AK5: variants seen among roughly 807,000 people sequenced by gnomAD.
AK5 encodes adenylate kinase isoenzyme 5.
Under a neutral mutation model 69.5 loss-of-function variants are expected in AK5, and 27 were observed. The observed-to-expected ratio is 0.39, with a 90% CI of 0.29 to 0.54. The LOEUF is 0.54. Among genes scored for constraint, AK5 ranks in the 20% least tolerant of loss-of-function variants. AK5 has a pLI of 0.71. For missense variants in AK5, 531 were observed against 700.4 expected (o/e 0.76, Z 2.73); for synonymous variants, 260 against 244.4 (o/e 1.06, Z -0.60).
chr1:77,303,683 C>G (rs1478337891), intron 5 of AK5, among the ~76,000 whole-genome samples: 1 of 152,152 alleles, frequency 6.6e-6, no homozygotes, highest in Non-Finnish European at 1.5e-5. Flanking sequence ...CTATGACCTT[C>G]TGGAAGGGGT....
Position 77,380,148 on chromosome 1 carries a change from G to A in AK5, c.892-30833G>A, listed in dbSNP as rs148500394. ...CAATTTCTCTTTGGCATCCTCCTCG[G>A]CAAGGTGGGATGCCAGAAACAACTG... On this transcript the variant is annotated intron_variant, in intron 6 of 13. Coordinates refer to ENST00000354567, the MANE Select transcript of AK5 (RefSeq NM_174858.3). 9.0e-3 allele frequency among the ~76,000 whole-genome samples: 1,376 copies of A among 152,274 alleles called. 28 individuals are homozygous for A. The highest frequency in any genetic ancestry group is 0.047 in the Admixed American group (724 of 15,284).
chr1:77,411,723 T>C (rs549744852), intron 7 of AK5, among the ~76,000 whole-genome samples: 1 of 152,300 alleles, frequency 6.6e-6, no homozygotes, highest in Admixed American at 6.5e-5. Flanking sequence ...CTGACCTTCT[T>C]TCTTCTGAGT....
At chr1:77,391,511 A>G (rs1209734225) in intron 6 of AK5, among the ~76,000 whole-genome samples, 15 of 74,252 alleles carry the variant, frequency 2.0e-4, no homozygotes, top group Non-Finnish European at 2.2e-4. Context: ...ATATATATAT[A>G]TATATATATA....
At chr1:77,374,030 C>CA (rs1434898779) in intron 6 of AK5, among the ~76,000 whole-genome samples, 1 of 152,064 alleles carries the variant, frequency 6.6e-6, no homozygotes, top group African/African-American at 2.4e-5. Context: ...GTAAATGTGT[C>CA]ATTTCTGAGA....
intron 5 of AK5, among the ~76,000 whole-genome samples, chr1:77,310,768 A>C (rs1378055593): frequency 1.3e-5 from 2 of 152,040 alleles, no homozygotes; most frequent in East Asian, 3.8e-4. Context: ...TGAGATTTTG[A>C]TTTGAATTTC....
intron 7 of AK5, among the ~76,000 whole-genome samples, chr1:77,415,357 A>G (rs1355364161): frequency 6.6e-6 from 1 of 152,214 alleles, no homozygotes; most frequent in Non-Finnish European, 1.5e-5. Context: ...GGGTACTAAA[A>G]GCAGCTATAT....
chr1:77,401,942 A>G (rs1437074629), intron 6 of AK5, among the ~76,000 whole-genome samples: 1 of 152,232 alleles, frequency 6.6e-6, no homozygotes, highest in Non-Finnish European at 1.5e-5. Context: ...GCCCTCTTAT[A>G]TTAAATGACA....
At chr1:77,312,551 G>T (rs960336359) in intron 5 of AK5, among the ~76,000 whole-genome samples, 7 of 151,516 alleles carry the variant, frequency 4.6e-5, no homozygotes, top group Non-Finnish European at 8.8e-5. Flanking sequence ...GGAGGCGGAG[G>T]TTGCAGTGAG....
intron 5 of AK5, among the ~76,000 whole-genome samples, chr1:77,320,107 C>A (rs1469851662): frequency 1.3e-5 from 2 of 152,090 alleles, no homozygotes; most frequent in East Asian, 1.9e-4. Context: ...AGAAAGGCAC[C>A]TTTTTCACAG....
At chr1:77,285,980 A>G (rs2100638556) in intron 1 of AK5, among the ~76,000 whole-genome samples, 1 of 152,284 alleles carries the variant, frequency 6.6e-6, no homozygotes, top group East Asian at 1.9e-4. Context: ...TTTAGAAGAA[A>G]GACTATTGCA....
intron 8 of AK5, among the ~76,000 whole-genome samples, chr1:77,442,770 T>C (rs775231042): frequency 1.3e-5 from 2 of 152,204 alleles, no homozygotes; most frequent in South Asian, 2.1e-4. Context: ...ATCTGCATAA[T>C]TGTTTTGAGA....
intron 6 of AK5, chr1:77,349,564 C>A (rs530665341): frequency 6.6e-6 from 1 of 152,262 alleles, no homozygotes; most frequent in South Asian, 2.1e-4. Flanking sequence ...CATCTCTATG[C>A]AGCTGTAATC....
chr1:77,319,234 C>T (rs575458327), intron 5 of AK5, among the ~76,000 whole-genome samples: 1 of 152,234 alleles, frequency 6.6e-6, no homozygotes, highest in Non-Finnish European at 1.5e-5. Flanking sequence ...CAAGACTTTC[C>T]TTTCCTCCCT....
chr1:77,284,466 T>C (rs1233601319), intron 1 of AK5, among the ~76,000 whole-genome samples: 1 of 152,260 alleles, frequency 6.6e-6, no homozygotes, highest in Non-Finnish European at 1.5e-5. Context: ...CAAGTAAATA[T>C]ATCTAACTGA....
intron 6 of AK5, among the ~76,000 whole-genome samples, chr1:77,350,409 A>C (rs755512392): frequency 6.6e-6 from 1 of 152,226 alleles, no homozygotes; most frequent in Non-Finnish European, 1.5e-5. Context: ...GCTGTCATCA[A>C]ACTGAGCAAG....
chr1:77,470,861 ATATATATATATATATTTT>A (rs1654451091), intron 8 of AK5, among the ~76,000 whole-genome samples: 4 of 1,768 alleles, frequency 2.3e-3, no homozygotes, highest in Non-Finnish European at 4.3e-3. Flanking sequence ...ATATATATAT[ATATATATATATATATTTT>A]TTTTTTTTTT....
At chr1:77,444,269 GTATATATACACAACATATGTGTA>G (rs1652545882) in intron 8 of AK5, among the ~76,000 whole-genome samples, 2 of 31,686 alleles carry the variant, frequency 6.3e-5, no homozygotes, top group African/African-American at 1.3e-4. Context: ...TATATATATA[GTATATATACACAACATATGTGTA>G]TATATATAGT....
rs749712310 is a variant in AK5, at chr1:77,499,869, C to CTTTTTTTTTTTTTTTTT, written c.1147+13517_1147+13518insTTTTTTTTTTTTTTTTT. 8.9e-5 allele frequency among the ~76,000 whole-genome samples: 7 copies of CTTTTTTTTTTTTTTTTT among 78,768 alleles called. 1 individual carries two copies. The highest frequency in any genetic ancestry group is 1.2e-4 in the Non-Finnish European group (5 of 42,048). 51.7% of individuals were successfully genotyped at this position (78,768 alleles called of 152,430 possible). A position where few individuals can be genotyped will look rare whatever the true frequency, so the allele number is the denominator to read the frequency against. ...GATGACAGAGACCATGCCCTTTTTC[C>CTTTTTTTTTTTTTTTTT]ATTTTTTTTTTTTTTTTTTTTTTTT... On this transcript the variant is annotated intron_variant, in intron 10 of 13. Transcript: ENST00000354567.
chr1:77,340,651 C>A, intron 6 of AK5, 83 bp downstream of exon 6: 1 of 1,328,500 alleles, frequency 7.5e-7, no homozygotes. Flanking sequence ...TGTAGAAATC[C>A]TCTTTACCTT....
Sources: allele counts gnomAD v4.1 joint callset (sites outside exome capture counted in the v4.1 genomes callset), GRCh38; gene constraint gnomAD v4.1.1; transcripts MANE v1.5; gene names NCBI Gene and HGNC (gene_info 2026-07-23, HGNC 2026-07-21).